WDR11: variants seen among roughly 807,000 people sequenced by gnomAD.
WDR11 encodes WD repeat-containing protein 11.
WDR11 carries 83 observed loss-of-function variants against 151.2 expected under a neutral mutation model. The observed-to-expected ratio is 0.55, with a 90% CI of 0.46 to 0.66. WDR11 has a LOEUF of 0.66. WDR11 is among the 30% of genes least tolerant of loss of function. The probability of loss-of-function intolerance (pLI) is 0.00; values close to 1 mark genes in which losing one functional copy is unlikely to be tolerated. For synonymous variants in WDR11, 484 were observed against 533.1 expected (o/e 0.91, Z 1.27); for missense variants, 1,301 against 1,480.9 (o/e 0.88, Z 1.99).
intron 4 of WDR11, 66 bp from the exon 5 acceptor site, chr10:120,862,669 A>T: frequency 6.6e-7 from 1 of 1,506,966 alleles, no homozygotes; most frequent in Non-Finnish European, 9.2e-7. Context: ...TCAAAATTGT[A>T]TTGGAATAAA....
At chr10:120,862,243 G>A (rs1472598125) in intron 4 of WDR11, among the ~76,000 whole-genome samples, 1 of 151,714 alleles carries the variant, frequency 6.6e-6, no homozygotes, top group African/African-American at 2.4e-5. Flanking sequence ...CAGTTCAAGC[G>A]ATTCTCCTGC....
chr10:120,882,582 CTT>C (rs1186631145), intron 13 of WDR11, among the ~76,000 whole-genome samples: 1 of 147,486 alleles, frequency 6.8e-6, no homozygotes, highest in Non-Finnish European at 1.5e-5. Flanking sequence ...TTTAGATTCT[CTT>C]TTTTTGAGCT....
In WDR11 at chr10:120,908,680, T is replaced by C. The variant is rs1445913749; in HGVS notation, c.3642T>C (p.Leu1214=). 6.2e-7 allele frequency: 1 copy of C among 1,614,186 alleles called. No homozygotes were observed. Among genetic ancestry groups the C allele is most frequent in the Non-Finnish European group, 8.5e-7 (1 of 1,180,044 alleles). The part of the protein sequence containing the change: ...GAAGKDLLNE[L]ESPKEEPIEE ...CTGGCAAAGACTTATTGAATGAGCT[T>C]GAGTCCCCCAAGGAAGAACCCATTG... Residue 1214 remains leucine (L), a synonymous_variant, in exon 29 of 29, where the codon CTT becomes CTC. Transcript: ENST00000263461.
At position 120,851,557 on chromosome 10, in the gene WDR11, G is replaced by A. The variant is rs565404136; in HGVS notation, c.86+51G>A. 8 of 1,575,116 alleles carry A rather than the reference G, an allele frequency of 5.1e-6. No homozygotes were observed. In the East Asian group the frequency reaches 1.6e-4, roughly 32 times the overall value. On this transcript the variant is annotated intron_variant, in intron 1 of 28. Transcript: ENST00000263461. ...CCAGGATCGGCCAGGAATGTGTGAG[G>A]GGGAAGGGGGAAGGACAAGAGGTTT...
At chr10:120,868,234 A>T (rs2133750178) in intron 9 of WDR11, among the ~76,000 whole-genome samples, 1 of 152,216 alleles carries the variant, frequency 6.6e-6, no homozygotes, top group African/African-American at 2.4e-5. Flanking sequence ...CGGGAGGATC[A>T]CTTGAGGTCA....
At chr10:120,860,381 T>A (rs1846100850) in intron 4 of WDR11, 99 bp downstream of exon 4, 3 of 1,405,572 alleles carry the variant, frequency 2.1e-6, no homozygotes, top group Non-Finnish European at 2.9e-6. Context: ...ACATCTATAA[T>A]GTTAAAATGA....
At chr10:120,869,676 T>C (rs986659944) in intron 9 of WDR11, among the ~76,000 whole-genome samples, 2 of 152,198 alleles carry the variant, frequency 1.3e-5, no homozygotes, top group African/African-American at 4.8e-5. Context: ...TTGCCTCTTA[T>C]GAAAAATACT....
intron 19 of WDR11, among the ~76,000 whole-genome samples, chr10:120,896,347 G>A (rs750644084): frequency 6.6e-6 from 1 of 152,154 alleles, no homozygotes; most frequent in Admixed American, 6.5e-5. Flanking sequence ...AAAATGGAGA[G>A]TATGGGGATA....
intron 19 of WDR11, among the ~76,000 whole-genome samples, chr10:120,897,603 CT>C (rs1847658450): frequency 6.6e-6 from 1 of 152,146 alleles, no homozygotes; most frequent in Admixed American, 6.6e-5. Context: ...TAACCCGAAT[CT>C]GATAATCAGA....
intron 19 of WDR11, among the ~76,000 whole-genome samples, chr10:120,899,553 T>C (rs1415391785): frequency 6.6e-6 from 1 of 151,884 alleles, no homozygotes; most frequent in African/African-American, 2.4e-5. Flanking sequence ...GAGGCCAAGG[T>C]GGGCAGATCA....
intron 19 of WDR11, among the ~76,000 whole-genome samples, chr10:120,895,602 GA>G (rs1439335474): frequency 3.9e-5 from 6 of 152,064 alleles, no homozygotes; most frequent in African/African-American, 1.4e-4. Flanking sequence ...TTACCTGGAG[GA>G]AAGTAATTCA....
chr10:120,856,339 C>T lies in WDR11; in HGVS notation c.199-2304C>T, dbSNP rs560218516. On this transcript the variant is annotated intron_variant, in intron 2 of 28. Coordinates refer to ENST00000263461, the MANE Select transcript of WDR11 (RefSeq NM_018117.12). ...CCTGTAATCCCAACACTCTGGGAGGCCGAGGTGGATGGATCACCTGGGGTC... is the reference window on the plus strand; with the variant it reads ...CCTGTAATCCCAACACTCTGGGAGGTCGAGGTGGATGGATCACCTGGGGTC... 1.9e-3 allele frequency among the ~76,000 whole-genome samples: 287 copies of T among 152,124 alleles called. 1 individual carries two copies. Among genetic ancestry groups the T allele is most frequent in the African/African-American group, 6.6e-3 (276 of 41,508 alleles).
chr10:120,874,186 TTTTTTTGTTGTTG>T (rs1414702464), intron 11 of WDR11, among the ~76,000 whole-genome samples: 1 of 96,924 alleles, frequency 1.0e-5, no homozygotes, highest in African/African-American at 3.6e-5. Context: ...GTTTTTTTTT[TTTTTTTGTTGTTG>T]TTGTTGTTGT....
Position 120,860,237 on chromosome 10 carries a change from A to T in WDR11, c.481A>T (p.Ile161Phe). 1 of 1,614,190 alleles carries T rather than the reference A, an allele frequency of 6.2e-7. No individual in the cohort carries two copies. Among genetic ancestry groups the T allele is most frequent in the Non-Finnish European group, 8.5e-7 (1 of 1,180,036 alleles). The change falls in exon 4 of 29, where the codon ATT becomes TTT. Residue 161 changes from isoleucine (I) to phenylalanine (F), a missense_variant. By Grantham distance (21) the Ile-to-Phe change is conservative. This residue lies in a region of WDR11 where 692 missense variants were observed against 762.5 expected (regional missense o/e 0.91). Coordinates refer to ENST00000263461, the MANE Select transcript of WDR11 (RefSeq NM_018117.12). ...ATGGAAGAAGAGCTATGCAGATAAC[A>T]TTCTTTCTTTTTCTTTTGACCCTTT... ...KLWKKSYADN[I>F]LSFSFDPFDP... is the part of the protein sequence containing the mutation.
intron 27 of WDR11, 78 bp from the exon 28 acceptor site, chr10:120,906,698 T>TG: frequency 6.2e-7 from 1 of 1,612,542 alleles, no homozygotes; most frequent in Non-Finnish European, 8.5e-7. Flanking sequence ...TGTGTAAATG[T>TG]CTTTATACCC....
intron 19 of WDR11, among the ~76,000 whole-genome samples, chr10:120,894,866 A>G (rs537250421): frequency 5.9e-5 from 9 of 152,274 alleles, no homozygotes; most frequent in African/African-American, 2.2e-4. Context: ...ATGATCTCCT[A>G]TTACTTTTTC....
intron 12 of WDR11, chr10:120,880,088 G>GC (rs1473152078): frequency 3.3e-5 from 5 of 152,054 alleles, no homozygotes; most frequent in African/African-American, 1.2e-4. Context: ...TGTTTCAAGA[G>GC]TTTTTCCCCC....
At position 120,889,150 on chromosome 10, in the gene WDR11, T is replaced by C; in HGVS notation, c.2194T>C (p.Leu732=). 6.2e-7 allele frequency: 1 copy of C among 1,613,876 alleles called. No homozygotes were observed. The highest frequency in any genetic ancestry group is 8.5e-7 in the Non-Finnish European group (1 of 1,179,858). ...TLVLGDMDGN[L]NFWDLKGRVS... ...AGTGCTTGGAGATATGGATGGAAAT[T>C]TAAATTTCTGGGACTTGAAAGGCAG... is the stretch of plus-strand genomic sequence containing the variant. Residue 732 remains leucine, a synonymous_variant, in exon 17 of 29, where the codon TTA becomes CTA. Transcript: ENST00000263461.
intron 2 of WDR11, among the ~76,000 whole-genome samples, chr10:120,853,425 C>T (rs1467061009): frequency 6.6e-6 from 1 of 151,990 alleles, no homozygotes; most frequent in African/African-American, 2.4e-5. Flanking sequence ...ACCACCATGC[C>T]CAGCTAATTT....
Sources: allele counts gnomAD v4.1 joint callset (sites outside exome capture counted in the v4.1 genomes callset), GRCh38; gene constraint gnomAD v4.1.1; regional missense constraint gnomAD v4.1.1; transcripts MANE v1.5; gene names NCBI Gene and HGNC (gene_info 2026-07-23, HGNC 2026-07-21).